PHACTR1: variants seen among roughly 807,000 people sequenced by gnomAD.
The protein encoded by PHACTR1 is RPEL repeat containing 1.
Under a neutral mutation model 69.2 loss-of-function variants are expected in PHACTR1, and 16 were observed. The observed-to-expected ratio is 0.23, with a 90% CI of 0.16 to 0.35. The LOEUF is 0.35. PHACTR1 is among the 10% of genes least tolerant of loss of function. PHACTR1 has a pLI of 1.00. For synonymous variants in PHACTR1, 312 were observed against 284.5 expected, an observed-to-expected ratio of 1.10 and a Z score of -0.97; for missense variants, 510 against 734.7, an observed-to-expected ratio of 0.69 and a Z score of 3.54.
At chr6:12,980,742 CTGG>C (rs1042900118) in intron 4 of PHACTR1, among the ~76,000 whole-genome samples, 1 of 152,204 alleles carries the variant, frequency 6.6e-6, no homozygotes, top group African/African-American at 2.4e-5. Context: ...TCTAGAGACA[CTGG>C]TGCAGACCAA....
chr6:12,782,791 A>T (rs1312412585), intron 4 of PHACTR1, among the ~76,000 whole-genome samples: 1 of 152,228 alleles, frequency 6.6e-6, no homozygotes, highest in African/African-American at 2.4e-5. Flanking sequence ...CACCCTGATT[A>T]CGGGAAATGA....
Position 13,083,552 on chromosome 6 carries a change from C to T in PHACTR1, c.415+30023C>T, listed in dbSNP as rs1370915442. ...ACCTTGGGCAGTATGGCCATTTTCA[C>T]GATATTGATTCTTCCTACCCATGAG... On this transcript the variant is annotated intron_variant, in intron 5 of 14. Transcript: ENST00000332995. 1.5e-4 allele frequency among the ~76,000 whole-genome samples: 23 copies of T among 149,674 alleles called. No individual in the cohort carries two copies. The East Asian group carries it at 3.7e-3, about 24-fold the overall frequency.
chr6:12,793,399 A>ATAT (rs1772577240), intron 4 of PHACTR1, among the ~76,000 whole-genome samples: 1 of 152,218 alleles, frequency 6.6e-6, no homozygotes, highest in African/African-American at 2.4e-5. Context: ...ACTGAATGGG[A>ATAT]TATTGCAAGA....
At chr6:12,887,504 T>A (rs1783757056) in intron 4 of PHACTR1, among the ~76,000 whole-genome samples, 1 of 152,186 alleles carries the variant, frequency 6.6e-6, no homozygotes, top group Admixed American at 6.5e-5. Flanking sequence ...CCTTATCATC[T>A]AGCAGCGTCT....
At chr6:13,153,270 G>GT (rs968331517) in intron 5 of PHACTR1, among the ~76,000 whole-genome samples, 2 of 152,170 alleles carry the variant, frequency 1.3e-5, no homozygotes, top group African/African-American at 2.4e-5. Context: ...TTCATGCCTA[G>GT]TTTTTATATT....
intron 7 of PHACTR1, among the ~76,000 whole-genome samples, chr6:13,202,743 C>A (rs893644264): frequency 2.6e-5 from 4 of 152,220 alleles, no homozygotes; most frequent in African/African-American, 9.6e-5. Context: ...TCGAAAAGTG[C>A]TGGGATTACA....
chr6:12,846,543 A>G (rs1035842416), intron 4 of PHACTR1, among the ~76,000 whole-genome samples: 1 of 152,206 alleles, frequency 6.6e-6, no homozygotes, highest in Non-Finnish European at 1.5e-5. Context: ...GCATGCACTG[A>G]TGTTACTTAC....
intron 4 of PHACTR1, among the ~76,000 whole-genome samples, chr6:12,963,788 C>A (rs1319273900): frequency 6.6e-6 from 1 of 152,132 alleles, no homozygotes; most frequent in African/African-American, 2.4e-5. Context: ...GTGAACTCGC[C>A]AAGTGTGAAG....
chr6:13,010,353 C>G (rs1012879974), intron 4 of PHACTR1, among the ~76,000 whole-genome samples: 5 of 152,154 alleles, frequency 3.3e-5, no homozygotes, highest in Non-Finnish European at 7.4e-5. Context: ...GTCTCAAACT[C>G]CTGAGCTCAG....
intron 4 of PHACTR1, among the ~76,000 whole-genome samples, chr6:12,909,266 A>T (rs1213915062): frequency 1.3e-5 from 2 of 152,176 alleles, no homozygotes; most frequent in African/African-American, 2.4e-5. Flanking sequence ...TTCTCCCACA[A>T]TTTCACTGCA....
At chr6:12,840,061 C>A (rs1778546031) in intron 4 of PHACTR1, among the ~76,000 whole-genome samples, 1 of 152,104 alleles carries the variant, frequency 6.6e-6, no homozygotes, top group African/African-American at 2.4e-5. Flanking sequence ...TTGCCCCATC[C>A]TTGCTGCTAC....
chr6:12,896,393 A>G (rs1291968361), intron 4 of PHACTR1, among the ~76,000 whole-genome samples: 2 of 152,246 alleles, frequency 1.3e-5, no homozygotes, highest in Non-Finnish European at 1.5e-5. Context: ...CTTCAGAAAC[A>G]TAGACCACAT....
At chr6:13,078,592 G>A (rs923544770) in intron 5 of PHACTR1, among the ~76,000 whole-genome samples, 1 of 152,112 alleles carries the variant, frequency 6.6e-6, no homozygotes, top group African/African-American at 2.4e-5. Context: ...GGAGGTTTGC[G>A]AGCAGTTCAT....
At chr6:13,112,645 T>C (rs1414948705) in intron 5 of PHACTR1, among the ~76,000 whole-genome samples, 1 of 152,254 alleles carries the variant, frequency 6.6e-6, no homozygotes, top group African/African-American at 2.4e-5. Flanking sequence ...TTGAGCTTTT[T>C]TCATATTAAA....
intron 4 of PHACTR1, among the ~76,000 whole-genome samples, chr6:12,925,016 T>C (rs1236764815): frequency 6.6e-6 from 1 of 152,208 alleles, no homozygotes; most frequent in Non-Finnish European, 1.5e-5. Flanking sequence ...ATGGATTGTT[T>C]TTCTGGTTTT....
chr6:13,262,200 T>C (rs1776012771), intron 10 of PHACTR1, among the ~76,000 whole-genome samples: 2 of 152,158 alleles, frequency 1.3e-5, no homozygotes, highest in Non-Finnish European at 2.9e-5. Context: ...TATAGGACTC[T>C]TGGTGGTTGA....
intron 5 of PHACTR1, among the ~76,000 whole-genome samples, chr6:13,108,254 G>A (rs1583393114): frequency 6.6e-6 from 1 of 150,498 alleles, no homozygotes; most frequent in African/African-American, 2.5e-5. Context: ...CCATATGATT[G>A]CAGACATTTT....
chr6:12,749,387 A>C, intron 3 of PHACTR1: 1 of 544,708 alleles, frequency 1.8e-6, no homozygotes, highest in Non-Finnish European at 3.6e-6. Context: ...CCAGCCAGGG[A>C]TAGCCTGATC....
chr6:13,035,958 A>G (rs748414402), intron 4 of PHACTR1, among the ~76,000 whole-genome samples: 7 of 152,218 alleles, frequency 4.6e-5, no homozygotes, highest in Non-Finnish European at 7.3e-5. Context: ...CTTTTCATAT[A>G]GCTAATATTA....
Sources: allele counts gnomAD v4.1 joint callset (sites outside exome capture counted in the v4.1 genomes callset), GRCh38; gene constraint gnomAD v4.1.1; transcripts MANE v1.5; gene names NCBI Gene and HGNC (gene_info 2026-07-23, HGNC 2026-07-21).